The following COP1 variants were observed in gnomAD, a reference collection of about 807,000 sequenced individuals.
COP1 encodes the protein E3 ubiquitin-protein ligase COP1.
Under a neutral mutation model 101.3 loss-of-function variants are expected in COP1, and 24 were observed. The observed-to-expected ratio is 0.24, with a 90% CI of 0.17 to 0.33. The LOEUF (loss-of-function observed/expected upper bound fraction) is 0.33. Ranked by LOEUF, COP1 falls within the 10% of genes least tolerant of loss-of-function variation. The pLI, the probability that COP1 is intolerant of heterozygous loss-of-function variation, is 1.00. For missense variants in COP1, 663 were observed against 906.2 expected (o/e 0.73, Z 3.45); for synonymous variants, 347 against 341.9 (o/e 1.01, Z -0.17).
intron 18 of COP1, among the ~76,000 whole-genome samples, chr1:175,959,152 T>G (rs1155229): frequency 6.6e-6 from 1 of 151,578 alleles, no homozygotes. Context: ...GTAAAGTTGG[T>G]TTAATATTAG....
chr1:175,948,421 G>T (rs976134566), intron 18 of COP1, among the ~76,000 whole-genome samples: 1 of 152,220 alleles, frequency 6.6e-6, no homozygotes, highest in African/African-American at 2.4e-5. Flanking sequence ...ACAGCTATGA[G>T]AAACAGATAA....
intron 18 of COP1, among the ~76,000 whole-genome samples, chr1:175,974,707 T>C (rs1654073234): frequency 6.6e-6 from 1 of 152,052 alleles, no homozygotes; most frequent in African/African-American, 2.4e-5. Flanking sequence ...ACGCTTTTGA[T>C]GCTATGATCA....
At chr1:176,161,099 C>A (rs1694244644) in intron 5 of COP1, among the ~76,000 whole-genome samples, 2 of 152,190 alleles carry the variant, frequency 1.3e-5, no homozygotes, top group South Asian at 4.1e-4. Context: ...CTCCCTATTG[C>A]TGGTGTAGCA....
intron 15 of COP1, among the ~76,000 whole-genome samples, chr1:175,995,929 G>A (rs922098648): frequency 4.6e-5 from 7 of 152,070 alleles, no homozygotes. Context: ...CCAAAGCCTG[G>A]CAGAGACACA....
intron 14 of COP1, among the ~76,000 whole-genome samples, chr1:176,042,880 T>C (rs1194315928): frequency 6.6e-6 from 1 of 150,840 alleles, no homozygotes; most frequent in East Asian, 2.0e-4. Flanking sequence ...AATATAAAAA[T>C]TAGCCAGGCA....
chr1:176,155,086 AAC>A (rs1453550788), intron 5 of COP1, among the ~76,000 whole-genome samples: 6 of 152,164 alleles, frequency 3.9e-5, no homozygotes, highest in African/African-American at 1.4e-4. Context: ...CATCACAGAC[AAC>A]ACTTTCACAG....
intron 11 of COP1, among the ~76,000 whole-genome samples, chr1:176,058,722 C>A (rs1674290727): frequency 6.6e-6 from 1 of 151,248 alleles, no homozygotes; most frequent in Non-Finnish European, 1.5e-5. Flanking sequence ...CTGCCAAATC[C>A]CCCTCTGCGA....
At chr1:176,156,141 C>A (rs1558222366) in intron 5 of COP1, among the ~76,000 whole-genome samples, 5 of 150,956 alleles carry the variant, frequency 3.3e-5, no homozygotes. Context: ...TGGTTTGAAC[C>A]AAAAAAAGGG....
At chr1:175,995,574 G>A (rs537961302) in intron 15 of COP1, among the ~76,000 whole-genome samples, 4 of 152,184 alleles carry the variant, frequency 2.6e-5, no homozygotes, top group African/African-American at 4.8e-5. Context: ...TATCACCACC[G>A]ATCCCACAGA....
At chr1:176,147,821 A>G (rs925931699) in intron 6 of COP1, among the ~76,000 whole-genome samples, 1 of 152,214 alleles carries the variant, frequency 6.6e-6, no homozygotes, top group Admixed American at 6.5e-5. Flanking sequence ...GGAATTCTCC[A>G]TTATCTCTCC....
In COP1 at chr1:176,001,917, G is replaced by A. The variant is rs557601124; in HGVS notation, c.1730-12438C>T. ...TTCAATACTTTAAACATATCCTACT[G>A]CCTGCTGGCAGTAATGATTTCTGAC... On this transcript the variant is annotated intron_variant, in intron 15 of 19. Coordinates refer to ENST00000367669, the MANE Select transcript of COP1 (RefSeq NM_022457.7). Among the ~76,000 whole-genome samples, 37 of 152,040 alleles carry A rather than the reference G, an allele frequency of 2.4e-4. No individual in the cohort carries two copies. In the South Asian group the frequency reaches 7.5e-3, roughly 31 times the overall value.
At position 175,987,112 on chromosome 1, in the gene COP1, A is replaced by AAAT. The variant is rs781292212; in HGVS notation, c.1973-12_1973-10dup. On this transcript the variant is annotated splice_polypyrimidine_tract_variant and intron_variant, in intron 17 of 19. Transcript: ENST00000367669. ...AGAGTTATTTTCACTTCCTGAAAACAAATAATAATAATAGTATTTTAGAAT... is the reference window on the plus strand; with the variant it reads ...AGAGTTATTTTCACTTCCTGAAAACAAATAATAATAATAATAGTATTTTAGAAT... 3.0e-6 allele frequency: 4 copies of AAAT among 1,329,590 alleles called. No homozygotes were observed. Among genetic ancestry groups the AAAT allele is most frequent in the South Asian group, 1.4e-5 (1 of 72,672 alleles). The allele number at this position is 1,329,590 out of a possible 1,614,324, so 82.4% of individuals were successfully genotyped here.
At chr1:175,984,188 A>C (rs1249204006) in intron 18 of COP1, among the ~76,000 whole-genome samples, 3 of 151,504 alleles carry the variant, frequency 2.0e-5, no homozygotes, top group South Asian at 2.1e-4. Context: ...AGGCCTGGAG[A>C]CCCCAGAGGA....
chr1:176,058,130 T>TGGG (rs1412682438), intron 11 of COP1, among the ~76,000 whole-genome samples: 4 of 9,880 alleles, frequency 4.0e-4, no homozygotes, highest in Non-Finnish European at 1.5e-3. Context: ...GGGAGGGAGG[T>TGGG]GGGGTGGGGG....
At position 176,206,882 on chromosome 1, in the gene COP1, A is replaced by T. The variant is rs1378377669; in HGVS notation, c.97T>A (p.Ser33Thr). 14 of 1,447,808 alleles carry T rather than the reference A, an allele frequency of 9.7e-6. No homozygotes were observed. The highest frequency in any genetic ancestry group is 1.2e-5 in the Non-Finnish European group (13 of 1,104,342). 89.7% of individuals were successfully genotyped at this position (1,447,808 alleles called of 1,614,324 possible). A position where few individuals can be genotyped will look rare whatever the true frequency, so the allele number is the denominator to read the frequency against. ...SVTSASSSLS[S>T]SPSPPSVAVS... ...GCCACGGAAGGCGGCGACGGGGAAGAGGATAAAGACGAGGAGGCGGAAGTC... is the reference window on the plus strand; with the variant it reads ...GCCACGGAAGGCGGCGACGGGGAAGTGGATAAAGACGAGGAGGCGGAAGTC... Residue 33 changes from serine (S) to threonine (T), a missense_variant, in exon 1 of 20, where the codon TCT (serine) becomes ACT (threonine). Ser to Thr is a moderately conservative substitution (Grantham distance 58, BLOSUM62 1). This residue lies in a region of COP1 where 204 missense variants were observed against 203.6 expected (regional missense o/e 1.00). Coordinates refer to ENST00000367669, the MANE Select transcript of COP1 (RefSeq NM_022457.7).
chr1:176,151,952 ATTTT>A (rs34038117), intron 5 of COP1, among the ~76,000 whole-genome samples: 1 of 140,254 alleles, frequency 7.1e-6, no homozygotes, highest in African/African-American at 2.6e-5. Context: ...TTTTGAGGGC[ATTTT>A]TTTTTTTTTT....
chr1:176,145,155 A>C (rs1346650704), intron 6 of COP1, among the ~76,000 whole-genome samples: 1 of 152,166 alleles, frequency 6.6e-6, no homozygotes, highest in East Asian at 1.9e-4. Context: ...TCAAACCATT[A>C]AGAAAAATCA....
chr1:176,061,213 CAGTT>C (rs1290964302), intron 11 of COP1, among the ~76,000 whole-genome samples: 1 of 152,198 alleles, frequency 6.6e-6, no homozygotes, highest in Non-Finnish European at 1.5e-5. Flanking sequence ...ACAGAACAGA[CAGTT>C]AAGTAGACTC....
intron 18 of COP1, among the ~76,000 whole-genome samples, chr1:175,975,916 C>G (rs1375846575): frequency 6.6e-6 from 1 of 152,162 alleles, no homozygotes; most frequent in Non-Finnish European, 1.5e-5. Context: ...GATAATTGGG[C>G]TTTCCCTACC....
Sources: allele counts gnomAD v4.1 joint callset (sites outside exome capture counted in the v4.1 genomes callset), GRCh38; gene constraint gnomAD v4.1.1; regional missense constraint gnomAD v4.1.1; transcripts MANE v1.5; gene names NCBI Gene and HGNC (gene_info 2026-07-23, HGNC 2026-07-21).